The following ATP6V1B1 variants were observed in gnomAD, a reference collection of about 807,000 sequenced individuals.
ATP6V1B1 encodes the protein ATPase H+ transporting V1 subunit B1.
ATP6V1B1 carries 41 observed loss-of-function variants against 62.1 expected under a neutral mutation model. The observed-to-expected ratio is 0.66, with a 90% CI of 0.51 to 0.86. ATP6V1B1 has a LOEUF of 0.86. ATP6V1B1 is among the 40% of genes least tolerant of loss of function. The pLI, the probability that ATP6V1B1 is intolerant of heterozygous loss-of-function variation, is 0.00. For synonymous variants in ATP6V1B1, 253 were observed against 273.4 expected (o/e 0.93, Z 0.74); for missense variants, 651 against 697.5 (o/e 0.93, Z 0.75).
At chr2:70,938,767 G>A in intron 1 of ATP6V1B1, 1 of 985,404 alleles carries the variant, frequency 1.0e-6, no homozygotes, top group Non-Finnish European at 1.2e-6. Flanking sequence ...AGCTTCATCT[G>A]TTTGGGCAGA....
At chr2:70,944,313 C>T in intron 2 of ATP6V1B1, 1 of 1,038,180 alleles carries the variant, frequency 9.6e-7, no homozygotes, top group South Asian at 1.4e-5. Flanking sequence ...CTGACAGTAT[C>T]TTGAGTCCTG....
chr2:70,956,208 A>C (rs1275309137), intron 2 of ATP6V1B1: 2 of 231,902 alleles, frequency 8.6e-6, no homozygotes, highest in African/African-American at 4.6e-5. Context: ...CTTCATAGCC[A>C]CCATAGGTTT....
Position 70,964,962 on chromosome 2 carries a change from C to A in ATP6V1B1, c.1383C>A (p.Pro461=). The A allele has an allele frequency of 6.2e-7, 1 of 1,614,044 alleles. No individual in the cohort carries two copies. The highest frequency in any genetic ancestry group is 1.3e-5 in the African/African-American group (1 of 75,068). The change falls in exon 14 of 14, where the codon CCC becomes CCA. Residue 461 remains proline, a synonymous_variant. Transcript: ENST00000234396. ...TCCCTCCCGCTCTGTCCCTAGGCCC[C>A]TACGAGAACCGCTCGGTGTTCGAGT... is the stretch of plus-strand genomic sequence containing the variant. The part of the protein sequence containing the change: ...KFEKNFINQG[P]YENRSVFESL...
intron 2 of ATP6V1B1, among the ~76,000 whole-genome samples, chr2:70,949,135 C>A (rs988346271): frequency 3.3e-5 from 5 of 152,158 alleles, no homozygotes; most frequent in Admixed American, 1.3e-4. Context: ...TTATTCTCAG[C>A]CCCGAAAGAC....
At chr2:70,964,415 A>C in intron 11 of ATP6V1B1, 23 bp from the exon 12 acceptor site, 1 of 1,608,364 alleles carries the variant, frequency 6.2e-7, no homozygotes, top group South Asian at 1.1e-5. Context: ...GCTGTCCACC[A>C]CTCCCTTTTT....
Position 70,963,248 on chromosome 2 carries a change from G to C in ATP6V1B1, c.996G>C (p.Ala332=), listed in dbSNP as rs782242382. 2 of 1,613,884 alleles carry C rather than the reference G, an allele frequency of 1.2e-6. No homozygotes were observed. Among genetic ancestry groups the C allele is most frequent in the South Asian group, 1.1e-5 (1 of 91,072 alleles). The change falls in exon 10 of 14, where the codon GCG becomes GCC. Residue 332 remains alanine, a synonymous_variant. Coordinates refer to ENST00000234396, the MANE Select transcript of ATP6V1B1 (RefSeq NM_001692.4). This position sits in a 1 kb window ranked among gnomAD's most constrained non-coding sequence, Gnocchi z 4.3. ...YTDLATIYER[A]GRVEGRGGSI... ...ACCTGGCCACCATCTACGAGCGGGC[G>C]GGCCGCGTGGAGGGTCGGGGAGGAT...
At chr2:70,943,187 T>TACAC (rs3831677) in intron 1 of ATP6V1B1, among the ~76,000 whole-genome samples, 280 of 151,008 alleles carry the variant, frequency 1.9e-3, no homozygotes, top group Admixed American at 3.7e-3. Flanking sequence ...ACACACCACA[T>TACAC]ACACACACAC....
At chr2:70,953,712 A>T (rs1283503662) in intron 2 of ATP6V1B1, among the ~76,000 whole-genome samples, 1 of 152,230 alleles carries the variant, frequency 6.6e-6, no homozygotes, top group Non-Finnish European at 1.5e-5. Flanking sequence ...TAATTGCCTC[A>T]TAAAATGAGT....
rs200569195 is a variant in ATP6V1B1, at chr2:70,936,037, C to T, written c.83C>T (p.Ala28Val). 5.6e-5 allele frequency: 91 copies of T among 1,614,008 alleles called. No individual in the cohort carries two copies. Among genetic ancestry groups the T allele is most frequent in the Admixed American group, 8.3e-5 (5 of 60,014 alleles). Residue 28 changes from alanine (A) to valine (V), a missense_variant, in exon 1 of 14, where the codon GCG becomes GTG. Physicochemically the swap from Ala to Val is moderately conservative, Grantham distance 64. Coordinates refer to ENST00000234396, the MANE Select transcript of ATP6V1B1 (RefSeq NM_001692.4). ...GGTGCAGCCCGAGAACACATGCAGG[C>T]GGTCACCCGAAACTACATCACCCAC... ...NLGAAREHMQ[A>V]VTRNYITHPR... is the part of the protein sequence containing the mutation.
rs1288346981 is a variant in ATP6V1B1 at position 70,936,033 on chromosome 2, C to T, written c.79C>T (p.Gln27Ter). 6.2e-7 allele frequency: 1 copy of T among 1,613,944 alleles called. No homozygotes were observed. The highest frequency in any genetic ancestry group is 8.5e-7 in the Non-Finnish European group (1 of 1,179,970). ...CNLGAAREHM[Q>*]AVTRNYITHP... is the part of the protein sequence containing the mutation. ...CCTAGGTGCAGCCCGAGAACACATG[C>T]AGGCGGTCACCCGAAACTACATCAC... Residue 27 changes from glutamine (Q) to a stop codon, truncating the protein, a stop_gained, in exon 1 of 14, where the codon CAG becomes TAG. Coordinates refer to ENST00000234396, the MANE Select transcript of ATP6V1B1 (RefSeq NM_001692.4). LOFTEE classifies it high-confidence loss of function.
At chr2:70,941,431 A>C in intron 1 of ATP6V1B1, 1 of 985,364 alleles carries the variant, frequency 1.0e-6, no homozygotes, top group African/African-American at 1.7e-5. Context: ...CCCTTTCCCC[A>C]GCTCCCTGGG....
rs1680666992 is a variant in ATP6V1B1 at position 70,964,437 on chromosome 2, G to A, written c.1144-1G>A. The A allele has an allele frequency of 6.2e-7, 1 of 1,613,876 alleles. No homozygotes were observed. Among genetic ancestry groups the A allele is most frequent in the African/African-American group, 1.3e-5 (1 of 74,864 alleles). On this transcript the variant is annotated splice_acceptor_variant, in intron 11 of 13. Coordinates refer to ENST00000234396, the MANE Select transcript of ATP6V1B1 (RefSeq NM_001692.4). LOFTEE classifies it high-confidence loss of function. ...ACCACTCCCTTTTTCTTCTCCCTCA[G>A]ATCTACCCCCCCATCAACGTGCTCC...
At chr2:70,937,483 T>TG (rs1553415646) in intron 1 of ATP6V1B1, among the ~76,000 whole-genome samples, 43 of 151,798 alleles carry the variant, frequency 2.8e-4, no homozygotes, top group African/African-American at 8.9e-4. Context: ...CCCATGGAGC[T>TG]CGGGGGAGGA....
intron 11 of ATP6V1B1, 108 bp from the exon 12 acceptor site, chr2:70,964,330 C>T: frequency 1.7e-6 from 2 of 1,167,888 alleles, no homozygotes; most frequent in Non-Finnish European, 2.6e-6. Context: ...GGCTGTTGAC[C>T]CCTCGGAATG....
chr2:70,957,087 CTTTTTTT>C (rs56407020), intron 2 of ATP6V1B1, among the ~76,000 whole-genome samples: 4 of 125,116 alleles, frequency 3.2e-5, no homozygotes, highest in Admixed American at 8.1e-5. Context: ...AGTTCTTCTT[CTTTTTTT>C]TTTTTTTTTT....
chr2:70,960,240 T>C (rs1371671454), intron 6 of ATP6V1B1, among the ~76,000 whole-genome samples, 162 bp downstream of exon 6: 1 of 152,148 alleles, frequency 6.6e-6, no homozygotes, highest in Non-Finnish European at 1.5e-5. Context: ...GCTCAGGGAC[T>C]CAGGACTGCA....
intron 1 of ATP6V1B1, among the ~76,000 whole-genome samples, 170 bp downstream of exon 1, chr2:70,936,242 G>C (rs1679851318): frequency 6.6e-6 from 1 of 152,174 alleles, no homozygotes; most frequent in South Asian, 2.1e-4. Flanking sequence ...ACCTGGACCA[G>C]AGGCCACCTC....
Position 70,943,716 on chromosome 2 carries a change from A to G in ATP6V1B1, c.174+3A>G, listed in dbSNP as rs782267707. ...TGGTGGTGCTGGACCGGGTCAAGGTAAGACTCTTCTGCTGCCTCCCTGGCA... is the reference window on the plus strand; with the variant it reads ...TGGTGGTGCTGGACCGGGTCAAGGTGAGACTCTTCTGCTGCCTCCCTGGCA... On this transcript the variant is annotated splice_donor_region_variant and intron_variant, in intron 2 of 13. Coordinates refer to ENST00000234396, the MANE Select transcript of ATP6V1B1 (RefSeq NM_001692.4). The G allele has an allele frequency of 1.2e-5, 20 of 1,613,374 alleles. No individual in the cohort carries two copies. In the East Asian group the frequency reaches 4.0e-4, roughly 32 times the overall value.
chr2:70,941,255 T>G, intron 1 of ATP6V1B1: 1 of 982,308 alleles, frequency 1.0e-6, no homozygotes, highest in Non-Finnish European at 1.2e-6. Flanking sequence ...CCCAGCACTA[T>G]TCCATGAAGT....
Sources: allele counts gnomAD v4.1 joint callset (sites outside exome capture counted in the v4.1 genomes callset), GRCh38; gene constraint gnomAD v4.1.1; non-coding constraint Gnocchi (gnomAD v3.1); transcripts MANE v1.5; gene names NCBI Gene and HGNC (gene_info 2026-07-23, HGNC 2026-07-21).